The following MED14 variants were observed in gnomAD, a reference collection of about 807,000 sequenced individuals.
MED14 encodes the protein mediator of RNA polymerase II transcription subunit 14.
In MED14, 8 loss-of-function variants were observed where a neutral mutation model predicts 109.0. That is an observed-to-expected ratio of 0.07 (90% confidence interval 0.04 to 0.13). The LOEUF (loss-of-function observed/expected upper bound fraction) is 0.13. Among genes scored for constraint, MED14 ranks in the 10% least tolerant of loss-of-function variants. MED14 has a pLI of 1.00. For synonymous variants in MED14, 399 were observed against 408.7 expected (o/e 0.98, Z 0.29); for missense variants, 711 against 1,142.4 (o/e 0.62, Z 5.44).
At chrX:40,672,459 C>T (rs1372733577) in intron 22 of MED14, among the ~76,000 whole-genome samples, 1 of 112,192 alleles carries the variant, frequency 8.9e-6, no homozygotes, top group Non-Finnish European at 1.9e-5. Context: ...AATATGGTAG[C>T]TCAGCCTGAC....
At position 40,713,598 on chromosome X, in the gene MED14, G is replaced by A. The variant is rs181746319; in HGVS notation, c.652+180C>T. 4.0e-3 allele frequency among the ~76,000 whole-genome samples: 446 copies of A among 111,455 alleles called. 5 individuals are homozygous for A. Among genetic ancestry groups the A allele is most frequent in the African/African-American group, 0.014 (428 of 30,667 alleles). ...GCTGGGATTACAGGTGCGGGCCACC[G>A]CACCCAGCTAATTTTTGTATTTTTA... is the stretch of plus-strand genomic sequence containing the variant. On this transcript the variant is annotated intron_variant, in intron 5 of 30. Transcript: ENST00000324817.
chrX:40,714,730 T>C lies in MED14; in HGVS notation c.349-20A>G, dbSNP rs1169382906. 3 of 1,175,324 alleles carry C rather than the reference T, an allele frequency of 2.6e-6. No individual in the cohort carries two copies. Among genetic ancestry groups the C allele is most frequent in the Non-Finnish European group, 3.4e-6 (3 of 871,342 alleles). ...AATCATCTTTAAAGTAAAGGGTAAA[T>C]GTATTAAGCATCCCTGAAAACTATC... On this transcript the variant is annotated intron_variant, in intron 3 of 30. Transcript: ENST00000324817.
chrX:40,691,604 A>ATCTTTT (rs1491246911), intron 15 of MED14, among the ~76,000 whole-genome samples: 4 of 164 alleles, frequency 0.024, no homozygotes, highest in African/African-American at 0.085. Context: ...TTTTTCTTTT[A>ATCTTTT]ATCTTTTTTT....
Position 40,682,977 on chromosome X carries a change from T to C in MED14, c.2077A>G (p.Ile693Val), listed in dbSNP as rs770857590. The change falls in exon 17 of 31, where the codon ATA becomes GTA. Residue 693 changes from isoleucine to valine, a missense_variant. Ile to Val is a conservative substitution (Grantham distance 29). This residue lies in a region of MED14 where 388 missense variants were observed against 517.3 expected (regional missense o/e 0.75). Transcript: ENST00000324817. ...AGAGCCTTTTGGGTTTCCTCAGTTA[T>C]ACCCTTACAGGGAGGAATTCTGGTG... ...RLLKIPPCKG[I>V]TEETQKALDR... is the part of the protein sequence containing the mutation. 4.1e-6 allele frequency: 5 copies of C among 1,208,170 alleles called. No homozygotes were observed. The highest frequency in any genetic ancestry group is 1.7e-5 in the African/African-American group (1 of 57,651).
chrX:40,658,795 C>T (rs941400846), intron 28 of MED14, among the ~76,000 whole-genome samples: 2 of 108,963 alleles, frequency 1.8e-5, no homozygotes, highest in Non-Finnish European at 3.8e-5. Context: ...CCCCAGAGGT[C>T]GAGGGTGCAG....
chrX:40,674,625 C>T (rs1445811892), intron 22 of MED14, among the ~76,000 whole-genome samples: 1 of 111,936 alleles, frequency 8.9e-6, no homozygotes, highest in Non-Finnish European at 1.9e-5. Flanking sequence ...TGAGGATTTT[C>T]CAGACTAGGG....
chrX:40,726,878 A>G (rs763154822), intron 2 of MED14, 27 bp from the exon 3 acceptor site: 204 of 1,066,341 alleles, frequency 1.9e-4, no homozygotes, highest in Non-Finnish European at 2.6e-4. Flanking sequence ...CTCTTAATGA[A>G]CCAACATATT....
chrX:40,660,014 G>T (rs1011254469), intron 26 of MED14, among the ~76,000 whole-genome samples: 1 of 111,980 alleles, frequency 8.9e-6, no homozygotes, highest in Non-Finnish European at 1.9e-5. Context: ...AACTTATTTC[G>T]GTTCTGATTC....
rs11292945 is a variant in MED14 at position 40,692,347 on chromosome X, TAAA to T, written c.1846-33_1846-31del. 6,022 of 852,956 alleles carry T rather than the reference TAAA, an allele frequency of 7.1e-3. 2 individuals carry two copies. The highest frequency in any genetic ancestry group is 9.3e-3 in the Admixed American group (248 of 26,624). 70.3% of individuals were successfully genotyped at this position (852,956 alleles called of 1,213,427 possible). On this transcript the variant is annotated intron_variant, in intron 14 of 30. Coordinates refer to ENST00000324817, the MANE Select transcript of MED14 (RefSeq NM_004229.4). The stretch of plus-strand genomic sequence containing the variant: ...AATTTAAGTAAAGAACACAAACAGG[TAAA>T]AAAAAAAAAAAAAGTACATGTGATG...
intron 13 of MED14, 59 bp from the exon 14 acceptor site, chrX:40,692,961 C>T: frequency 1.1e-6 from 1 of 873,387 alleles, no homozygotes; most frequent in South Asian, 3.4e-5. Flanking sequence ...ATATTTTCCT[C>T]CGTACATCAT....
chrX:40,700,360 T>G (rs1456950776), intron 12 of MED14, among the ~76,000 whole-genome samples: 1 of 36,344 alleles, frequency 2.8e-5, no homozygotes, highest in Non-Finnish European at 4.5e-5. Context: ...TAAAACCCTG[T>G]CTCAAAAAAA....
At chrX:40,733,646 G>C (rs1215052626) in intron 1 of MED14, among the ~76,000 whole-genome samples, 4 of 111,937 alleles carry the variant, frequency 3.6e-5, no homozygotes, top group Non-Finnish European at 7.5e-5. Context: ...AACAGGACTT[G>C]CTGATGTATG....
Position 40,651,737 on chromosome X carries a change from C to A in MED14, c.*69G>T. The A allele has an allele frequency of 9.0e-7, 1 of 1,113,927 alleles. No homozygotes were observed. The highest frequency in any genetic ancestry group is 2.4e-5 in the South Asian group (1 of 42,437). The allele number at this position is 1,113,927 out of a possible 1,213,427, so 91.8% of individuals were successfully genotyped here. On this transcript the variant is annotated 3_prime_UTR_variant, in exon 31 of 31. Coordinates refer to ENST00000324817, the MANE Select transcript of MED14 (RefSeq NM_004229.4). ...AAAAAAGTCCTTTTCCTTTTTTAAA[C>A]TGAAGGCTGAATTCAGATTTTTTTT...
intron 2 of MED14, among the ~76,000 whole-genome samples, chrX:40,728,168 G>A (rs1931952744): frequency 9.0e-6 from 1 of 111,556 alleles, no homozygotes; most frequent in South Asian, 3.8e-4. Context: ...TCCTCTCACA[G>A]AGCAAACACA....
intron 1 of MED14, chrX:40,729,587 A>G: frequency 5.4e-6 from 2 of 368,177 alleles, no homozygotes; most frequent in South Asian, 9.9e-5. Flanking sequence ...AATGTATTGC[A>G]TGAACCTTAA....
chrX:40,731,120 G>A (rs775137664), intron 1 of MED14, among the ~76,000 whole-genome samples: 1 of 98,727 alleles, frequency 1.0e-5, no homozygotes, highest in South Asian at 4.7e-4. Context: ...CAGCCTGGGT[G>A]ACAGAGCAAG....
chrX:40,701,577 A>G (rs977193157), intron 11 of MED14, among the ~76,000 whole-genome samples: 2 of 111,757 alleles, frequency 1.8e-5, no homozygotes, highest in Admixed American at 9.5e-5. Context: ...TTTTTAAATT[A>G]TAAGTATTTA....
chrX:40,655,367 G>A (rs772625995), intron 28 of MED14, among the ~76,000 whole-genome samples: 11 of 110,890 alleles, frequency 9.9e-5, no homozygotes, highest in African/African-American at 3.0e-4. Context: ...AGGCCACCAT[G>A]TGCAGGGCTT....
intron 3 of MED14, among the ~76,000 whole-genome samples, chrX:40,717,759 G>A (rs1931586424): frequency 1.8e-5 from 2 of 111,785 alleles, no homozygotes; most frequent in South Asian, 7.4e-4. Context: ...CTGACCTCAG[G>A]TGATCCACCC....
Sources: allele counts gnomAD v4.1 joint callset (sites outside exome capture counted in the v4.1 genomes callset), GRCh38; gene constraint gnomAD v4.1.1; regional missense constraint gnomAD v4.1.1; transcripts MANE v1.5; gene names NCBI Gene and HGNC (gene_info 2026-07-23, HGNC 2026-07-21).